SLC41A2: variants seen among roughly 807,000 people sequenced by gnomAD.
SLC41A2 encodes solute carrier family 41 member 2.
Under a neutral mutation model 58.3 loss-of-function variants are expected in SLC41A2, and 32 were observed. The ratio of observed to expected loss-of-function variants is 0.55; its 90% CI spans 0.41 to 0.74. SLC41A2 has a LOEUF of 0.74. Among genes scored for constraint, SLC41A2 ranks in the 30% least tolerant of loss-of-function variants. SLC41A2 has a pLI of 0.00. For missense variants in SLC41A2, 514 were observed against 680.6 expected (o/e 0.76, Z 2.72); for synonymous variants, 190 against 235.0 (o/e 0.81, Z 1.75).
intron 10 of SLC41A2, among the ~76,000 whole-genome samples, chr12:104,806,726 G>C (rs966507349): frequency 6.6e-6 from 1 of 152,044 alleles, no homozygotes; most frequent in Non-Finnish European, 1.5e-5. Flanking sequence ...TCCAGGACCT[G>C]TTGTTTCCTG....
At chr12:104,842,884 G>A (rs1255676248) in intron 10 of SLC41A2, among the ~76,000 whole-genome samples, 1 of 152,196 alleles carries the variant, frequency 6.6e-6, no homozygotes, top group South Asian at 2.1e-4. Flanking sequence ...AGGCTAAGAG[G>A]TAGAGTTGCA....
intron 8 of SLC41A2, among the ~76,000 whole-genome samples, chr12:104,858,012 A>T (rs1004680892): frequency 2.0e-5 from 3 of 152,148 alleles, no homozygotes; most frequent in Non-Finnish European, 2.9e-5. Context: ...AAAAGAAAAT[A>T]AAAAAATAAA....
chr12:104,922,431 T>C (rs951387488), intron 2 of SLC41A2, among the ~76,000 whole-genome samples: 26 of 152,098 alleles, frequency 1.7e-4, no homozygotes, highest in Admixed American at 1.6e-3. Flanking sequence ...AAGAGACCAC[T>C]ATATAATGAT....
intron 10 of SLC41A2, among the ~76,000 whole-genome samples, chr12:104,826,429 A>T (rs1389086459): frequency 1.3e-5 from 2 of 152,108 alleles, no homozygotes; most frequent in Non-Finnish European, 1.5e-5. Flanking sequence ...TGTAGGATTG[A>T]CCTAGCCCCT....
chr12:104,845,897 A>G lies in SLC41A2; in HGVS notation c.1333T>C (p.Leu445=), dbSNP rs769665097. 5.6e-6 allele frequency: 9 copies of G among 1,613,866 alleles called. No individual in the cohort carries two copies. The East Asian group carries it at 2.0e-4, about 36-fold the overall frequency. The change falls in exon 9 of 11, where the codon TTG becomes CTG. Residue 445 remains leucine, a synonymous_variant. Coordinates refer to ENST00000258538, the MANE Select transcript of SLC41A2 (RefSeq NM_001352171.3). ...TAACAACCTTTGGGTTCATCAGGCA[A>G]TTCTCCTGGAATGCTATGTAAATGG... The part of the protein sequence containing the change: ...YLHLHSIPGE[L]PDEPKGCYYP...
chr12:104,853,911 A>ATTATTTTTTTTTTTTTTTTTTTTTT, intron 8 of SLC41A2, among the ~76,000 whole-genome samples: 1 of 59,494 alleles, frequency 1.7e-5, no homozygotes, highest in African/African-American at 6.9e-5. Context: ...TGCCTGGCTG[A>ATTATTTTTTTTTTTTTTTTTTTTTT]TTTTTTTTTT....
intron 1 of SLC41A2, among the ~76,000 whole-genome samples, chr12:104,929,623 T>A (rs1013089951): frequency 6.6e-6 from 1 of 152,368 alleles, no homozygotes; most frequent in African/African-American, 2.4e-5. Context: ...ACCCACGACC[T>A]GACCAGGAAG....
Position 104,958,281 on chromosome 12 carries a change from C to G in SLC41A2, c.-361G>C, listed in dbSNP as rs1250714119. ...CGCGCCTCCTCGCGCGGCTGCGGCC[C>G]CAAGCTGACAGCCCGGCCGTCGGCG... On this transcript the variant is annotated 5_prime_UTR_variant, in exon 1 of 11. Coordinates refer to ENST00000258538, the MANE Select transcript of SLC41A2 (RefSeq NM_001352171.3). The G allele has an allele frequency of 1.3e-5, 2 of 150,548 alleles. No homozygotes were observed. Among genetic ancestry groups the G allele is most frequent in the Non-Finnish European group, 3.0e-5 (2 of 67,612 alleles). 9.3% of individuals were successfully genotyped at this position (150,548 alleles called of 1,614,324 possible).
chr12:104,957,291 A>G (rs946076740), intron 1 of SLC41A2, among the ~76,000 whole-genome samples: 2 of 152,258 alleles, frequency 1.3e-5, no homozygotes, highest in South Asian at 4.1e-4. Context: ...CACATATTGT[A>G]CGCTTCCATT....
Position 104,886,274 on chromosome 12 carries a change from T to C in SLC41A2, c.1027+19A>G, listed in dbSNP as rs1393798916. 2.5e-6 allele frequency: 4 copies of C among 1,609,412 alleles called. No individual in the cohort carries two copies. Among genetic ancestry groups the C allele is most frequent in the Non-Finnish European group, 3.4e-6 (4 of 1,177,644 alleles). On this transcript the variant is annotated intron_variant, in intron 6 of 10. Transcript: ENST00000258538. ...GAGACTTGAGACAACACACAATATTTAGTTTTAAATCAACTTACCAAGACA... is the reference window on the plus strand; with the variant it reads ...GAGACTTGAGACAACACACAATATTCAGTTTTAAATCAACTTACCAAGACA...
At chr12:104,839,024 A>G (rs1234401330) in intron 10 of SLC41A2, among the ~76,000 whole-genome samples, 1 of 152,226 alleles carries the variant, frequency 6.6e-6, no homozygotes, top group East Asian at 1.9e-4. Flanking sequence ...AGCCAAAGGC[A>G]AAGTTTTTCT....
chr12:104,805,442 C>CTAAG (rs1262738564), intron 10 of SLC41A2, 105 bp from the exon 11 acceptor site: 1 of 803,992 alleles, frequency 1.2e-6, no homozygotes, highest in Admixed American at 2.8e-5. Flanking sequence ...CCGTATGTGT[C>CTAAG]TAAGTCAAGA....
chr12:104,874,781 A>G (rs2043968863), intron 6 of SLC41A2, among the ~76,000 whole-genome samples: 1 of 152,192 alleles, frequency 6.6e-6, no homozygotes, highest in South Asian at 2.1e-4. Flanking sequence ...AGGAAGTGTG[A>G]TGCCTCCAAC....
At chr12:104,927,950 G>T (rs1158423759) in intron 2 of SLC41A2, 23 bp downstream of exon 2, 3 of 1,525,280 alleles carry the variant, frequency 2.0e-6, no homozygotes, top group African/African-American at 2.8e-5. Context: ...AGACAGTAAA[G>T]TTAAATAAAG....
At chr12:104,816,433 C>G (rs1323341300) in intron 10 of SLC41A2, among the ~76,000 whole-genome samples, 3 of 152,094 alleles carry the variant, frequency 2.0e-5, no homozygotes, top group African/African-American at 7.2e-5. Context: ...AAACAGCATG[C>G]CAGGGTAAGA....
At chr12:104,925,818 C>T (rs983418589) in intron 2 of SLC41A2, among the ~76,000 whole-genome samples, 2 of 152,140 alleles carry the variant, frequency 1.3e-5, no homozygotes, top group Non-Finnish European at 2.9e-5. Flanking sequence ...TAGTTAAATA[C>T]TGAGTGTTTC....
intron 10 of SLC41A2, among the ~76,000 whole-genome samples, chr12:104,838,432 G>A (rs2042287282): frequency 6.6e-6 from 1 of 152,192 alleles, no homozygotes; most frequent in South Asian, 2.1e-4. Flanking sequence ...TTGAGAATAT[G>A]AGTCTGTTGG....
intron 10 of SLC41A2, among the ~76,000 whole-genome samples, chr12:104,821,517 T>C (rs185701352): frequency 6.6e-5 from 10 of 152,192 alleles, no homozygotes; most frequent in Admixed American, 2.6e-4. Context: ...GTAAAATAGC[T>C]GAATGGTAGT....
At chr12:104,949,237 G>A (rs1004823991) in intron 1 of SLC41A2, among the ~76,000 whole-genome samples, 7 of 151,966 alleles carry the variant, frequency 4.6e-5, no homozygotes, top group Non-Finnish European at 1.0e-4. Context: ...AAATAAATAA[G>A]TAAAATAAAT....
Sources: gnomAD v4.1 joint callset for allele counts (sites outside exome capture counted in the v4.1 genomes callset) on GRCh38, gnomAD v4.1.1 for gene constraint, MANE v1.5 for transcripts, NCBI Gene and HGNC (gene_info 2026-07-23, HGNC 2026-07-21) for gene names.